SPA17: variants seen among roughly 807,000 people sequenced by gnomAD.
The protein encoded by SPA17 is sperm surface protein Sp17.
SPA17 carries 7 observed loss-of-function variants against 13.8 expected under a neutral mutation model. The ratio of observed to expected loss-of-function variants is 0.51; its 90% CI spans 0.29 to 0.95. SPA17 has a LOEUF of 0.95. SPA17 is among the 40% of genes least tolerant of loss of function. The pLI, the probability that SPA17 is intolerant of heterozygous loss-of-function variation, is 0.08. For synonymous variants in SPA17, 61 were observed against 59.0 expected, an observed-to-expected ratio of 1.03 and a Z score of -0.16; for missense variants, 170 against 179.3, an observed-to-expected ratio of 0.95 and a Z score of 0.30.
intron 3 of SPA17, among the ~76,000 whole-genome samples, chr11:124,683,919 TTATC>T (rs1943551839): frequency 6.6e-6 from 1 of 152,096 alleles, no homozygotes; most frequent in South Asian, 2.1e-4. Flanking sequence ...ATTAGACAAA[TTATC>T]TAAACAGAAA....
At chr11:124,689,952 CA>C (rs1305947433) in intron 3 of SPA17, among the ~76,000 whole-genome samples, 2 of 151,810 alleles carry the variant, frequency 1.3e-5, no homozygotes, top group African/African-American at 4.8e-5. Context: ...ATGAAAAAGA[CA>C]AAATAATAAC....
chr11:124,690,433 C>T (rs916883484), intron 3 of SPA17, among the ~76,000 whole-genome samples: 4 of 151,880 alleles, frequency 2.6e-5, no homozygotes, highest in African/African-American at 7.3e-5. Flanking sequence ...TGGACATAGA[C>T]GTGGAATGAT....
In SPA17 at chr11:124,681,415, G is replaced by A. The variant is rs1335147756; in HGVS notation, c.181G>A (p.Gly61Arg). The A allele has an allele frequency of 6.3e-7, 1 of 1,579,148 alleles. No homozygotes were observed. Among genetic ancestry groups the A allele is most frequent in the Non-Finnish European group, 8.6e-7 (1 of 1,159,954 alleles). Reference sequence around the variant, plus strand: ...AACCAACTTTGATCCAGCAGAATGGGGGAGTAAGGTAGAAGACCGCTTCTA... The same window carrying A: ...AACCAACTTTGATCCAGCAGAATGGAGGAGTAAGGTAGAAGACCGCTTCTA... The part of the protein sequence containing the change: ...EKTNFDPAEW[G>R]SKVEDRFYNN... Residue 61 changes from glycine to arginine, a missense_variant, in exon 3 of 5, where the codon GGG (glycine) becomes AGG (arginine). Physicochemically the swap from Gly to Arg is moderately radical, Grantham distance 125. Transcript: ENST00000227135.
chr11:124,692,410 C>T (rs980726387), intron 4 of SPA17, among the ~76,000 whole-genome samples: 1 of 152,026 alleles, frequency 6.6e-6, no homozygotes, highest in Non-Finnish European at 1.5e-5. Context: ...GAAACCCCAT[C>T]TCTACTAAAA....
intron 2 of SPA17, among the ~76,000 whole-genome samples, chr11:124,678,555 T>C (rs1943496837): frequency 6.6e-6 from 1 of 152,020 alleles, no homozygotes; most frequent in Admixed American, 6.5e-5. Flanking sequence ...TGTGTTTGTG[T>C]GTGTATTTGC....
rs1469010383 is a variant in SPA17 at position 124,696,249 on chromosome 11, C to G, written c.*1803C>G. ...CGTCCCTCCCATTCCACTGAAAGCA[C>G]CAGCTTCTAACACCTTCCCCTCTCA... On this transcript the variant is annotated 3_prime_UTR_variant, in exon 5 of 5. Coordinates refer to ENST00000227135, the MANE Select transcript of SPA17 (RefSeq NM_017425.4). 2 of 152,272 alleles carry G rather than the reference C, an allele frequency of 1.3e-5. No individual in the cohort carries two copies. The highest frequency in any genetic ancestry group is 4.8e-5 in the African/African-American group (2 of 41,448). The allele number at this position is 152,272 out of a possible 1,614,324, so 9.4% of individuals were successfully genotyped here.
intron 1 of SPA17, chr11:124,674,759 G>GA (rs1943437506): frequency 6.5e-6 from 1 of 153,758 alleles, no homozygotes; most frequent in Admixed American, 6.5e-5. Context: ...TCATGCTTCA[G>GA]AAGTGGCAGC....
intron 3 of SPA17, among the ~76,000 whole-genome samples, chr11:124,686,268 G>A (rs989746606): frequency 1.3e-5 from 2 of 151,984 alleles, no homozygotes; most frequent in East Asian, 3.9e-4. Flanking sequence ...CTTTGAAGAG[G>A]TGCCCTCCGC....
At chr11:124,693,551 A>G (rs1371708300) in intron 4 of SPA17, among the ~76,000 whole-genome samples, 1 of 152,114 alleles carries the variant, frequency 6.6e-6, no homozygotes, top group Non-Finnish European at 1.5e-5. Flanking sequence ...GGATGTAGAT[A>G]CTCAACTCAT....
chr11:124,673,936 G>C lies in SPA17; in HGVS notation c.-44G>C. 1 of 582,912 alleles carries C rather than the reference G, an allele frequency of 1.7e-6. No individual in the cohort carries two copies. The highest frequency in any genetic ancestry group is 2.1e-5 in the South Asian group (1 of 47,280). 36.1% of individuals were successfully genotyped at this position (582,912 alleles called of 1,614,324 possible). On this transcript the variant is annotated 5_prime_UTR_variant, in exon 1 of 5. Coordinates refer to ENST00000227135, the MANE Select transcript of SPA17 (RefSeq NM_017425.4). ...AAAACAACCGGAACCGGCGGCACCA[G>C]CTCGGAGAGAAAGGAGGTGAGGCCG...
At position 124,673,962 on chromosome 11, in the gene SPA17, C is replaced by T; in HGVS notation, c.-28+10C>T. The T allele has an allele frequency of 1.8e-6, 1 of 559,466 alleles. No homozygotes were observed. Among genetic ancestry groups the T allele is most frequent in the African/African-American group, 1.9e-5 (1 of 52,968 alleles). The allele number at this position is 559,466 out of a possible 1,614,324, so 34.7% of individuals were successfully genotyped here. A position where few individuals can be genotyped will look rare whatever the true frequency, so the allele number is the denominator to read the frequency against. On this transcript the variant is annotated intron_variant, in intron 1 of 4. Coordinates refer to ENST00000227135, the MANE Select transcript of SPA17 (RefSeq NM_017425.4). ...CTCGGAGAGAAAGGAGGTGAGGCCG[C>T]TTCCCCACTTCCTCTCCGATACCAA...
chr11:124,682,901 C>CAA (rs112659312), intron 3 of SPA17, among the ~76,000 whole-genome samples: 3 of 92,172 alleles, frequency 3.3e-5, no homozygotes, highest in Non-Finnish European at 7.4e-5. Flanking sequence ...AAATACAATG[C>CAA]AAAAAAAAAA....
intron 3 of SPA17, among the ~76,000 whole-genome samples, chr11:124,685,495 G>C (rs1011996991): frequency 5.9e-5 from 9 of 152,258 alleles, no homozygotes; most frequent in Admixed American, 5.2e-4. Context: ...GAAGGGGAAT[G>C]TGAGGTCGGA....
intron 2 of SPA17, among the ~76,000 whole-genome samples, chr11:124,679,632 T>C (rs1368415451): frequency 6.6e-6 from 1 of 152,192 alleles, no homozygotes; most frequent in Non-Finnish European, 1.5e-5. Context: ...CCAATACCAG[T>C]GAGCACCCAG....
At chr11:124,683,386 G>A (rs1280579213) in intron 3 of SPA17, among the ~76,000 whole-genome samples, 1 of 151,802 alleles carries the variant, frequency 6.6e-6, no homozygotes, top group Admixed American at 6.6e-5. Context: ...ATGACAAACA[G>A]TAAGAGAAAA....
At chr11:124,692,657 A>G (rs1943633517) in intron 4 of SPA17, among the ~76,000 whole-genome samples, 1 of 152,204 alleles carries the variant, frequency 6.6e-6, no homozygotes, top group African/African-American at 2.4e-5. Flanking sequence ...AATAACTTGA[A>G]GTCAGCCACA....
At chr11:124,694,156 A>T (rs1943650899) in intron 4 of SPA17, 147 bp from the exon 5 acceptor site, 11 of 990,434 alleles carry the variant, frequency 1.1e-5, no homozygotes. Context: ...TACATATACA[A>T]TGTGACAATA....
intron 2 of SPA17, chr11:124,675,636 G>A: frequency 4.5e-6 from 2 of 445,336 alleles, no homozygotes; most frequent in Non-Finnish European, 8.0e-6. Flanking sequence ...TATTCAGACC[G>A]TCTTCATTGT....
chr11:124,675,923 C>G (rs1591401902), intron 2 of SPA17: 1 of 152,888 alleles, frequency 6.5e-6, no homozygotes, highest in African/African-American at 2.4e-5. Context: ...TGAAACTGTT[C>G]TGCAATAACG....
Sources: gnomAD v4.1 joint callset for allele counts (sites outside exome capture counted in the v4.1 genomes callset) on GRCh38, gnomAD v4.1.1 for gene constraint, MANE v1.5 for transcripts, NCBI Gene and HGNC (gene_info 2026-07-23, HGNC 2026-07-21) for gene names.